Variants in LZTS1 observed in about 807,000 individuals in gnomAD.
LZTS1 encodes the protein leucine zipper tumor suppressor 1, also known as leucine zipper putative tumor suppressor 1.
In LZTS1, 31 loss-of-function variants were observed where a neutral mutation model predicts 45.8. The ratio of observed to expected loss-of-function variants is 0.68; its 90% CI spans 0.51 to 0.91. LZTS1 has a LOEUF of 0.91. Ranked by LOEUF, LZTS1 falls within the 40% of genes least tolerant of loss-of-function variation. The probability of loss-of-function intolerance (pLI) is 0.00; values close to 1 mark genes in which losing one functional copy is unlikely to be tolerated. For synonymous variants in LZTS1, 359 were observed against 357.3 expected, an observed-to-expected ratio of 1.00 and a Z score of -0.05; for missense variants, 821 against 788.9, an observed-to-expected ratio of 1.04 and a Z score of -0.49.
At chr8:20,294,824 G>T (rs934747427) in intron 1 of LZTS1, among the ~76,000 whole-genome samples, 8 of 152,088 alleles carry the variant, frequency 5.3e-5, no homozygotes, top group Admixed American at 3.9e-4. Flanking sequence ...GGGGAGGGCA[G>T]ACCCCACACA....
chr8:20,299,754 T>C (rs1801042346), intron 1 of LZTS1, among the ~76,000 whole-genome samples: 1 of 151,916 alleles, frequency 6.6e-6, no homozygotes, highest in African/African-American at 2.4e-5. Context: ...ATGGCCAGAT[T>C]ACCTCCCCAA....
In LZTS1 at chr8:20,250,248, G is replaced by A. The variant is rs370068074; in HGVS notation, c.1265C>T (p.Thr422Met). 2.4e-4 allele frequency: 392 copies of A among 1,613,674 alleles called. 2 individuals are homozygous for A. In the South Asian group the frequency reaches 2.7e-3, roughly 11 times the overall value. ...CTCCAGGCCCTCCAGCTTGCCCCGC[G>A]TGTCCTTCAGCTGTGCCTTGAGACC... Reference protein sequence around the residue: ...ILGLKAQLKDTRGKLEGLELR... With the variant: ...ILGLKAQLKDMRGKLEGLELR... The change falls in exon 4 of 4, where the codon ACG (threonine) becomes ATG (methionine). Residue 422 changes from threonine (T) to methionine (M), a missense_variant. Thr to Met is a moderately conservative substitution (Grantham distance 81). Transcript: ENST00000381569.
At chr8:20,279,554 T>C (rs1458266675) in intron 1 of LZTS1, among the ~76,000 whole-genome samples, 1 of 151,850 alleles carries the variant, frequency 6.6e-6, no homozygotes, top group Non-Finnish European at 1.5e-5. Context: ...ATTTTAAAAT[T>C]AGCTGGGCGT....
chr8:20,267,976 G>A lies in LZTS1; in HGVS notation c.-134-12661C>T, dbSNP rs117132620. The stretch of plus-strand genomic sequence containing the variant: ...ATAAGCACAGTTGATACCAAAGCCC[G>A]GCCACTGTCAGGATTAAATGAAATC... On this transcript the variant is annotated intron_variant, in intron 1 of 3. Transcript: ENST00000381569. Among the ~76,000 whole-genome samples, 410 of 152,236 alleles carry A rather than the reference G, an allele frequency of 2.7e-3. 1 individual carries two copies. Among genetic ancestry groups the A allele is most frequent in the Non-Finnish European group, 4.7e-3 (322 of 68,016 alleles).
intron 1 of LZTS1, chr8:20,289,972 A>AT (rs1002663982): frequency 6.6e-6 from 1 of 152,224 alleles, no homozygotes; most frequent in African/African-American, 2.4e-5. Flanking sequence ...GGGAAGTCCC[A>AT]TGGCTACCTG....
At chr8:20,257,291 C>T (rs561252460) in intron 1 of LZTS1, among the ~76,000 whole-genome samples, 5 of 152,132 alleles carry the variant, frequency 3.3e-5, no homozygotes, top group East Asian at 1.9e-4. Flanking sequence ...ACCCAGGAGG[C>T]GGAGGTTGCA....
At position 20,255,006 on chromosome 8, in the gene LZTS1, A is replaced by G. The variant is rs146734158; in HGVS notation, c.176T>C (p.Met59Thr). 8.2e-5 allele frequency: 133 copies of G among 1,614,006 alleles called. No homozygotes were observed. Among genetic ancestry groups the G allele is most frequent in the Non-Finnish European group, 1.1e-4 (127 of 1,180,032 alleles). The change falls in exon 2 of 4, where the codon ATG becomes ACG. Residue 59 changes from methionine (M) to threonine (T), a missense_variant. Physicochemically the swap from Met to Thr is moderately conservative, Grantham distance 81. Coordinates refer to ENST00000381569, the MANE Select transcript of LZTS1 (RefSeq NM_021020.5). Reference protein sequence around the residue: ...DSGHGKSSSKMGKSEDFFYIK... With the variant: ...DSGHGKSSSKTGKSEDFFYIK... ...GTAGAAGAAGTCTTCGCTCTTGCCC[A>G]TTTTGGAGCTGGACTTGCCGTGACC...
At chr8:20,264,522 G>A (rs1181701449) in intron 1 of LZTS1, among the ~76,000 whole-genome samples, 2 of 152,200 alleles carry the variant, frequency 1.3e-5, no homozygotes, top group African/African-American at 2.4e-5. Context: ...ACAGTTGGCT[G>A]TGTTACCCTG....
In LZTS1 at chr8:20,253,158, G is replaced by A. The variant is rs757923754; in HGVS notation, c.773C>T (p.Thr258Met). Residue 258 changes from threonine to methionine, a missense_variant, in exon 3 of 4, where the codon ACG becomes ATG. Transcript: ENST00000381569. Reference sequence around the variant, plus strand: ...CAGCTCCTGGATGCTGCACTCGTCCGTGGAGATGGGGGAGCGGACACACGA... The same window carrying A: ...CAGCTCCTGGATGCTGCACTCGTCCATGGAGATGGGGGAGCGGACACACGA... Reference protein sequence around the residue: ...GPSCVRSPISTDECSIQELEQ... With the variant: ...GPSCVRSPISMDECSIQELEQ... 4.6e-5 allele frequency: 74 copies of A among 1,613,244 alleles called. No individual in the cohort carries two copies. In the East Asian group the frequency reaches 1.5e-3, roughly 33 times the overall value.
At chr8:20,290,485 C>T (rs1800882158) in intron 1 of LZTS1, 1 of 152,210 alleles carries the variant, frequency 6.6e-6, no homozygotes. Context: ...TAGGAGGACT[C>T]GTATATGTGT....
intron 1 of LZTS1, chr8:20,290,123 G>A (rs1800875220): frequency 6.6e-6 from 1 of 152,184 alleles, no homozygotes; most frequent in Admixed American, 6.6e-5. Context: ...CGTGTTGGTG[G>A]AGACACTGCC....
chr8:20,258,309 G>A (rs1800153130), intron 1 of LZTS1, among the ~76,000 whole-genome samples: 1 of 152,114 alleles, frequency 6.6e-6, no homozygotes, highest in Non-Finnish European at 1.5e-5. Flanking sequence ...ATCCCAGGTG[G>A]GACATGGAGA....
chr8:20,277,894 G>A (rs1800615867), intron 1 of LZTS1, among the ~76,000 whole-genome samples: 1 of 152,198 alleles, frequency 6.6e-6, no homozygotes, highest in South Asian at 2.1e-4. Context: ...GGGAAGGCTG[G>A]GAGCAGGATA....
chr8:20,298,657 G>A (rs1291424294), intron 1 of LZTS1, among the ~76,000 whole-genome samples: 1 of 152,118 alleles, frequency 6.6e-6, no homozygotes, highest in Non-Finnish European at 1.5e-5. Flanking sequence ...GAGGCCAGGG[G>A]TTCAAGACCA....
chr8:20,262,923 A>C (rs987200220), intron 1 of LZTS1, among the ~76,000 whole-genome samples: 1 of 152,220 alleles, frequency 6.6e-6, no homozygotes, highest in Non-Finnish European at 1.5e-5. Context: ...GACCGTGGAC[A>C]TGCTACGTAA....
chr8:20,292,805 G>C (rs1051873007), intron 1 of LZTS1, among the ~76,000 whole-genome samples: 2 of 152,212 alleles, frequency 1.3e-5, no homozygotes, highest in African/African-American at 2.4e-5. Flanking sequence ...TTAGTAGAAA[G>C]AGCCCTGATG....
intron 1 of LZTS1, among the ~76,000 whole-genome samples, chr8:20,301,830 T>C (rs1585308017): frequency 1.3e-5 from 2 of 152,132 alleles, no homozygotes; most frequent in African/African-American, 2.4e-5. Context: ...CTCCTGCAGA[T>C]ACACAAATGC....
At chr8:20,258,820 C>T (rs1776846012) in intron 1 of LZTS1, among the ~76,000 whole-genome samples, 2 of 152,194 alleles carry the variant, frequency 1.3e-5, no homozygotes, top group Admixed American at 1.3e-4. Context: ...TCTGGGGAGC[C>T]TCAATGTCCA....
intron 1 of LZTS1, among the ~76,000 whole-genome samples, chr8:20,266,891 A>T (rs1908810): frequency 0.96 from 145,683 of 152,114 alleles, 69,839 homozygotes; most frequent in East Asian, 1. Context: ...GCAGATCACC[A>T]GAGGTCAGGA....
Sources: gnomAD v4.1 joint callset for allele counts (sites outside exome capture counted in the v4.1 genomes callset) on GRCh38, gnomAD v4.1.1 for gene constraint, MANE v1.5 for transcripts, NCBI Gene and HGNC (gene_info 2026-07-23, HGNC 2026-07-21) for gene names.